Variants in GALNTL6 observed in about 807,000 individuals in gnomAD.
The protein encoded by GALNTL6 is polypeptide N-acetylgalactosaminyltransferase-like 6.
Under a neutral mutation model 73.7 loss-of-function variants are expected in GALNTL6, and 46 were observed. The ratio of observed to expected loss-of-function variants is 0.62; its 90% CI spans 0.49 to 0.80. The LOEUF (loss-of-function observed/expected upper bound fraction) is 0.80. Among genes scored for constraint, GALNTL6 ranks in the 30% least tolerant of loss-of-function variants. GALNTL6 has a pLI of 0.00. For synonymous variants in GALNTL6, 259 were observed against 263.7 expected (o/e 0.98, Z 0.17); for missense variants, 604 against 755.0 (o/e 0.80, Z 2.34).
At chr4:172,154,259 T>A (rs1183964898) in intron 2 of GALNTL6, among the ~76,000 whole-genome samples, 1 of 151,324 alleles carries the variant, frequency 6.6e-6, no homozygotes, top group Non-Finnish European at 1.5e-5. Flanking sequence ...TGAGATGGAG[T>A]TTTGCTCTTG....
intron 5 of GALNTL6, among the ~76,000 whole-genome samples, chr4:172,380,813 A>C (rs1579016369): frequency 6.6e-6 from 1 of 152,244 alleles, no homozygotes; most frequent in Admixed American, 6.5e-5. Context: ...CTTATCCTTA[A>C]AGTAATTTCA....
At chr4:172,203,197 A>G (rs1034062907) in intron 2 of GALNTL6, among the ~76,000 whole-genome samples, 4 of 152,174 alleles carry the variant, frequency 2.6e-5, no homozygotes, top group African/African-American at 9.7e-5. Flanking sequence ...GTGACCATAT[A>G]GCTATATTGG....
At chr4:171,944,112 G>A (rs987364969) in intron 2 of GALNTL6, among the ~76,000 whole-genome samples, 1 of 151,740 alleles carries the variant, frequency 6.6e-6, no homozygotes, top group African/African-American at 2.4e-5. Context: ...AAAAAAATAA[G>A]TATATCTTTT....
chr4:173,008,066 CTA>C (rs1394230349), intron 10 of GALNTL6, among the ~76,000 whole-genome samples: 1 of 152,174 alleles, frequency 6.6e-6, no homozygotes, highest in Non-Finnish European at 1.5e-5. Flanking sequence ...TGCTAATACT[CTA>C]GAGTGACATT....
intron 2 of GALNTL6, among the ~76,000 whole-genome samples, chr4:172,082,118 C>A (rs544110882): frequency 1.3e-5 from 2 of 152,180 alleles, no homozygotes; most frequent in South Asian, 4.1e-4. Flanking sequence ...CTCAAATGAT[C>A]CAGCTGCCTC....
At chr4:172,533,410 C>T (rs545099590) in intron 5 of GALNTL6, among the ~76,000 whole-genome samples, 34 of 144,784 alleles carry the variant, frequency 2.3e-4, no homozygotes, top group Middle Eastern at 4.0e-3. Context: ...CTGCAACCTC[C>T]GCCTCCCCAG....
intron 5 of GALNTL6, among the ~76,000 whole-genome samples, chr4:172,712,350 G>C (rs1330004193): frequency 6.6e-6 from 1 of 152,066 alleles, no homozygotes; most frequent in Non-Finnish European, 1.5e-5. Flanking sequence ...GTGCAGGTTA[G>C]TTACGTATGT....
At chr4:172,165,956 C>A (rs1191889067) in intron 2 of GALNTL6, among the ~76,000 whole-genome samples, 1 of 151,846 alleles carries the variant, frequency 6.6e-6, no homozygotes, top group Non-Finnish European at 1.5e-5. Flanking sequence ...TGTATACAAA[C>A]AAGAATCCAC....
chr4:171,994,069 G>A (rs924233240), intron 2 of GALNTL6, among the ~76,000 whole-genome samples: 1 of 151,912 alleles, frequency 6.6e-6, no homozygotes. Flanking sequence ...ACTCTCTTAT[G>A]GATTGAGTAG....
chr4:172,966,596 T>C lies in GALNTL6; in HGVS notation c.1371+14338T>C, dbSNP rs969974495. Among the ~76,000 whole-genome samples the C allele has an allele frequency of 6.6e-5, 10 of 152,190 alleles. 1 individual carries two copies. The highest frequency in any genetic ancestry group is 3.9e-4 in the Admixed American group (6 of 15,282). On this transcript the variant is annotated intron_variant, in intron 10 of 12. Coordinates refer to ENST00000506823, the MANE Select transcript of GALNTL6 (RefSeq NM_001034845.3). The stretch of plus-strand genomic sequence containing the variant: ...TTTTAGTAGAGACGGAGTTTCTCCA[T>C]GTTGGCCAGACTGATCTTGAACTGC...
intron 5 of GALNTL6, among the ~76,000 whole-genome samples, chr4:172,479,201 A>T (rs1733349634): frequency 6.6e-6 from 1 of 152,208 alleles, no homozygotes; most frequent in Non-Finnish European, 1.5e-5. Flanking sequence ...GTATTAAAAA[A>T]AGACACCTGC....
intron 7 of GALNTL6, among the ~76,000 whole-genome samples, chr4:172,815,453 G>A (rs1182539526): frequency 6.6e-6 from 1 of 152,166 alleles, no homozygotes; most frequent in Non-Finnish European, 1.5e-5. Context: ...CACATTTTAA[G>A]GGCTAGAACT....
intron 5 of GALNTL6, among the ~76,000 whole-genome samples, chr4:172,516,885 T>G (rs1734626389): frequency 6.6e-6 from 1 of 152,174 alleles, no homozygotes; most frequent in African/African-American, 2.4e-5. Flanking sequence ...TACTACAACA[T>G]GGATAAACCT....
chr4:172,589,265 C>A (rs1246413494), intron 5 of GALNTL6, among the ~76,000 whole-genome samples: 1 of 152,118 alleles, frequency 6.6e-6, no homozygotes, highest in Non-Finnish European at 1.5e-5. Context: ...AGTGATTAAT[C>A]CCAGAAATTA....
chr4:172,838,820 T>C (rs934587654), intron 7 of GALNTL6, among the ~76,000 whole-genome samples: 1 of 152,166 alleles, frequency 6.6e-6, no homozygotes, highest in African/African-American at 2.4e-5. Context: ...CTAATTATAA[T>C]AAAAAAGTCT....
At chr4:171,927,204 A>G (rs1001648519) in intron 2 of GALNTL6, among the ~76,000 whole-genome samples, 1 of 152,162 alleles carries the variant, frequency 6.6e-6, no homozygotes, top group Non-Finnish European at 1.5e-5. Flanking sequence ...TAAGAAATAT[A>G]CATTTATAAT....
chr4:172,085,856 T>G (rs1732018751), intron 2 of GALNTL6, among the ~76,000 whole-genome samples: 1 of 152,158 alleles, frequency 6.6e-6, no homozygotes, highest in African/African-American at 2.4e-5. Context: ...TTTTTTAATT[T>G]TGTGCTTTAT....
intron 2 of GALNTL6, among the ~76,000 whole-genome samples, chr4:172,138,561 G>A (rs1446927583): frequency 3.3e-5 from 3 of 90,760 alleles, no homozygotes; most frequent in Non-Finnish European, 6.0e-5. Context: ...ACGCAATCTC[G>A]CTCTGTCGCT....
chr4:172,272,101 C>T lies in GALNTL6; in HGVS notation c.248-39513C>T, dbSNP rs187429264. ...CCGAGTAGTTGGGACTACAGGTATG[C>T]GCCACCACGCCCAGATAATTTTTTT... On this transcript the variant is annotated intron_variant, in intron 3 of 12. Coordinates refer to ENST00000506823, the MANE Select transcript of GALNTL6 (RefSeq NM_001034845.3). Among the ~76,000 whole-genome samples the T allele has an allele frequency of 4.6e-3, 697 of 152,032 alleles. 7 individuals carry two copies. The highest frequency in any genetic ancestry group is 0.016 in the African/African-American group (653 of 41,500).
Sources: allele counts gnomAD v4.1 joint callset (sites outside exome capture counted in the v4.1 genomes callset), GRCh38; gene constraint gnomAD v4.1.1; transcripts MANE v1.5; gene names NCBI Gene and HGNC (gene_info 2026-07-23, HGNC 2026-07-21).